Variants in PCDH15 observed in about 807,000 individuals in gnomAD.
PCDH15 encodes protocadherin-15.
Under a neutral mutation model 178.5 loss-of-function variants are expected in PCDH15, and 129 were observed. The observed-to-expected ratio is 0.72, with a 90% confidence interval of 0.63 to 0.84. PCDH15 has a LOEUF of 0.84. Among genes scored for constraint, PCDH15 ranks in the 40% least tolerant of loss-of-function variants. The probability of loss-of-function intolerance (pLI) is 0.00; values close to 1 mark genes in which losing one functional copy is unlikely to be tolerated. For missense variants in PCDH15, 2,230 were observed against 2,099.9 expected (o/e 1.06, Z -1.21); for synonymous variants, 800 against 732.0 (o/e 1.09, Z -1.50).
Position 54,615,712 on chromosome 10 carries a change from C to T in PCDH15, c.91+48460G>A, listed in dbSNP as rs892387984. On this transcript the variant is annotated intron_variant, in intron 2 of 37. Transcript: ENST00000644397. ...AAAATAAGACACATACAAATAACAA[C>T]GTGTGAAGCATTTCATATTTACAAA... Among the ~76,000 whole-genome samples, 1,113 of 152,106 alleles carry T rather than the reference C, an allele frequency of 7.3e-3. 21 individuals carry two copies. The highest frequency in any genetic ancestry group is 0.025 in the African/African-American group (1,036 of 41,506).
intron 2 of PCDH15, among the ~76,000 whole-genome samples, chr10:54,661,650 C>T (rs1270535692): frequency 1.3e-5 from 2 of 151,772 alleles, no homozygotes; most frequent in African/African-American, 4.8e-5. Context: ...TGACTTTATA[C>T]TATAAGGCTA....
chr10:55,374,088 A>C (rs771630785), intron 2 of PCDH15, among the ~76,000 whole-genome samples: 6 of 40,440 alleles, frequency 1.5e-4, no homozygotes, highest in Non-Finnish European at 2.7e-4. Context: ...TTAAAGTATA[A>C]TAATAATAAT....
chr10:54,908,374 T>C (rs1056875174), intron 2 of PCDH15, among the ~76,000 whole-genome samples: 13 of 152,118 alleles, frequency 8.5e-5, no homozygotes, highest in African/African-American at 3.1e-4. Flanking sequence ...CAGGTGATAG[T>C]GGGGTTTGCA....
At position 53,831,381 on chromosome 10, in the gene PCDH15, G is replaced by A; in HGVS notation, c.4136C>T (p.Ala1379Val). Residue 1379 changes from alanine to valine, a missense_variant, in exon 30 of 38, where the codon GCT becomes GTT. Transcript: ENST00000644397. ...SLGYTEGALL[A>V]LAFIIILCCI... Reference sequence around the variant, plus strand: ...GCAGAGGATGATGATGAAGGCCAGAGCCAACAAGGCCCCTTCTGTGTATCC... The same window carrying A: ...GCAGAGGATGATGATGAAGGCCAGAACCAACAAGGCCCCTTCTGTGTATCC... The A allele has an allele frequency of 1.9e-6, 3 of 1,614,098 alleles. No individual in the cohort carries two copies. The highest frequency in any genetic ancestry group is 1.1e-5 in the South Asian group (1 of 91,072).
intron 9 of PCDH15, among the ~76,000 whole-genome samples, chr10:54,236,337 G>A (rs1255272188): frequency 6.6e-6 from 1 of 151,932 alleles, no homozygotes; most frequent in African/African-American, 2.4e-5. Flanking sequence ...ATTTACCAAA[G>A]GTTAATATTT....
At position 53,840,504 on chromosome 10, in the gene PCDH15, TCAAA is replaced by T. The variant is rs2077577896; in HGVS notation, c.3807-12_3807-9del. 4 of 1,612,208 alleles carry T rather than the reference TCAAA, an allele frequency of 2.5e-6. No homozygotes were observed. Among genetic ancestry groups the T allele is most frequent in the Non-Finnish European group, 1.7e-6 (2 of 1,178,400 alleles). ...ACATAGCGATCCAAGATCCTATAAA[TCAAA>T]CAAAGTACAAACATGACAGTCCAAT... On this transcript the variant is annotated splice_polypyrimidine_tract_variant and intron_variant, in intron 28 of 37. Transcript: ENST00000644397.
rs571170500 is a variant in PCDH15, at chr10:54,570,817, A to AATTTTTTTTTCT, written c.92-42941_92-42940insAGAAAAAAAAAT. 3.0e-4 allele frequency among the ~76,000 whole-genome samples: 3 copies of AATTTTTTTTTCT among 9,966 alleles called. 1 individual carries two copies. The highest frequency in any genetic ancestry group is 7.6e-4 in the Admixed American group (2 of 2,628). 6.5% of individuals were successfully genotyped at this position (9,966 alleles called of 152,430 possible). A position where few individuals can be genotyped will look rare whatever the true frequency, so the allele number is the denominator to read the frequency against. ...CAGGCATGTGCCACCACGCCTGGCT[A>AATTTTTTTTTCT]TTTTTTTTTTTCTTTTTTTTTTGTA... On this transcript the variant is annotated intron_variant, in intron 2 of 37. Transcript: ENST00000644397.
intron 3 of PCDH15, among the ~76,000 whole-genome samples, chr10:54,410,065 A>T (rs186072478): frequency 6.6e-6 from 1 of 152,304 alleles, no homozygotes; most frequent in Non-Finnish European, 1.5e-5. Flanking sequence ...ACCTTGTGAG[A>T]ACCTCACAAC....
intron 3 of PCDH15, among the ~76,000 whole-genome samples, chr10:54,514,938 GTT>G (rs1565471864): frequency 6.6e-6 from 1 of 152,160 alleles, no homozygotes; most frequent in Admixed American, 6.5e-5. Context: ...TAGACTGATT[GTT>G]TCTAAGATTT....
At chr10:53,813,448 C>T (rs1276380005) in intron 35 of PCDH15, among the ~76,000 whole-genome samples, 8 of 152,058 alleles carry the variant, frequency 5.3e-5, no homozygotes, top group Non-Finnish European at 1.2e-4. Flanking sequence ...TAGACAAACC[C>T]ACGATGAACA....
At chr10:55,506,568 C>T (rs1336851073) in intron 2 of PCDH15, among the ~76,000 whole-genome samples, 10 of 151,356 alleles carry the variant, frequency 6.6e-5, no homozygotes, top group African/African-American at 2.4e-4. Context: ...AAAGAAAAGT[C>T]AGATGACGAA....
At chr10:54,266,067 T>C (rs78173092) in intron 8 of PCDH15, among the ~76,000 whole-genome samples, 198 of 151,614 alleles carry the variant, frequency 1.3e-3, no homozygotes, top group African/African-American at 4.1e-3. Flanking sequence ...AAATATTAAA[T>C]AATACCAAGC....
chr10:54,954,003 A>G (rs1252238720), intron 2 of PCDH15, among the ~76,000 whole-genome samples: 1 of 151,224 alleles, frequency 6.6e-6, no homozygotes, highest in Admixed American at 6.6e-5. Context: ...AATGCTCAGT[A>G]CAGACTTTTA....
At chr10:53,825,540 T>C (rs184148420) in intron 32 of PCDH15, among the ~76,000 whole-genome samples, 14 of 151,878 alleles carry the variant, frequency 9.2e-5, no homozygotes, top group Non-Finnish European at 5.9e-5. Flanking sequence ...AAAGTAGATA[T>C]ATTTTGTTTG....
chr10:55,177,522 C>T (rs1234008307), intron 1 of PCDH15, among the ~76,000 whole-genome samples: 1 of 152,180 alleles, frequency 6.6e-6, no homozygotes, highest in East Asian at 1.9e-4. Context: ...GCCGGCCTGC[C>T]TCTGGGCAGT....
intron 1 of PCDH15, among the ~76,000 whole-genome samples, chr10:55,315,764 T>G (rs914066425): frequency 2.0e-5 from 3 of 152,186 alleles, no homozygotes; most frequent in African/African-American, 7.2e-5. Flanking sequence ...CTGCCTGCAA[T>G]CCCAGCGCTT....
At chr10:54,216,144 G>A (rs2052036375) in intron 9 of PCDH15, among the ~76,000 whole-genome samples, 1 of 150,864 alleles carries the variant, frequency 6.6e-6, no homozygotes, top group Non-Finnish European at 1.5e-5. Flanking sequence ...TAAAAATAGG[G>A]CCAGTGAGGG....
intron 3 of PCDH15, among the ~76,000 whole-genome samples, chr10:54,871,931 G>T (rs1029348163): frequency 1.3e-5 from 2 of 152,058 alleles, no homozygotes; most frequent in African/African-American, 4.8e-5. Context: ...TAAAAAGGAT[G>T]AGATGATAAT....
chr10:53,811,294 T>A (rs751960941), intron 36 of PCDH15, among the ~76,000 whole-genome samples: 1 of 152,172 alleles, frequency 6.6e-6, no homozygotes, highest in Non-Finnish European at 1.5e-5. Flanking sequence ...CCCATATAAA[T>A]AATTTTGAAT....
Sources: gnomAD v4.1 joint callset for allele counts (sites outside exome capture counted in the v4.1 genomes callset) on GRCh38, gnomAD v4.1.1 for gene constraint, MANE v1.5 for transcripts, NCBI Gene and HGNC (gene_info 2026-07-23, HGNC 2026-07-21) for gene names.